OSBPL10: variants seen among roughly 807,000 people sequenced by gnomAD.
The protein encoded by OSBPL10 is oxysterol binding protein like 10, also known as oxysterol-binding protein-related protein 10.
Under a neutral mutation model 81.7 loss-of-function variants are expected in OSBPL10, and 49 were observed. The observed-to-expected ratio is 0.60, with a 90% CI of 0.48 to 0.76. The LOEUF (loss-of-function observed/expected upper bound fraction) is 0.76. OSBPL10 is among the 30% of genes least tolerant of loss of function. The pLI is 0.00. For missense variants in OSBPL10, 923 were observed against 987.8 expected (o/e 0.93, Z 0.88); for synonymous variants, 419 against 383.6 (o/e 1.09, Z -1.08).
intron 1 of OSBPL10, among the ~76,000 whole-genome samples, chr3:31,922,221 G>C (rs183802373): frequency 6.6e-6 from 1 of 152,150 alleles, no homozygotes; most frequent in African/African-American, 2.4e-5. Context: ...GTGTAATATC[G>C]GTTATTAATG....
rs375029649 is a variant in OSBPL10 at position 31,811,000 on chromosome 3, C to T, written c.729+19040G>A. Among the ~76,000 whole-genome samples the T allele has an allele frequency of 5.9e-5, 9 of 152,226 alleles. No homozygotes were observed. The East Asian group carries it at 9.6e-4, about 16-fold the overall frequency. Reference sequence around the variant, plus strand: ...TGTCGAGTGCTAAGTTTCCAGGTGTCGAGGAGGTCAATGAGGACAAAAACC... The same window carrying T: ...TGTCGAGTGCTAAGTTTCCAGGTGTTGAGGAGGTCAATGAGGACAAAAACC... On this transcript the variant is annotated intron_variant, in intron 4 of 11. Transcript: ENST00000396556.
At chr3:31,798,010 T>C (rs936969186) in intron 4 of OSBPL10, among the ~76,000 whole-genome samples, 3 of 152,182 alleles carry the variant, frequency 2.0e-5, no homozygotes, top group African/African-American at 7.2e-5. Flanking sequence ...TAAGGAGCTA[T>C]CTGCAAGGCT....
chr3:31,965,071 T>C (rs1447289722), intron 1 of OSBPL10, among the ~76,000 whole-genome samples: 1 of 152,022 alleles, frequency 6.6e-6, no homozygotes, highest in East Asian at 1.9e-4. Context: ...ATAGAACATA[T>C]TCAATGTCAT....
chr3:31,867,803 A>G (rs972946518), intron 3 of OSBPL10, among the ~76,000 whole-genome samples: 1 of 152,026 alleles, frequency 6.6e-6, no homozygotes, highest in Non-Finnish European at 1.5e-5. Flanking sequence ...GACAGACAGA[A>G]CAAGGGGTCA....
intron 2 of OSBPL10, among the ~76,000 whole-genome samples, chr3:31,877,794 T>C (rs1701517683): frequency 6.6e-6 from 1 of 152,234 alleles, no homozygotes; most frequent in Admixed American, 6.5e-5. Context: ...TACACAAGTC[T>C]GATTTACAGT....
intron 3 of OSBPL10, among the ~76,000 whole-genome samples, chr3:31,832,665 G>T (rs1028476488): frequency 1.3e-5 from 2 of 152,152 alleles, no homozygotes; most frequent in Non-Finnish European, 2.9e-5. Flanking sequence ...TTACAAGATG[G>T]TGCATAACAG....
intron 4 of OSBPL10, among the ~76,000 whole-genome samples, chr3:31,750,035 A>G (rs1697663385): frequency 6.6e-6 from 1 of 151,496 alleles, no homozygotes; most frequent in Non-Finnish European, 1.5e-5. Context: ...CACAAAAATA[A>G]GCCAGGTGTG....
chr3:31,988,801 G>A (rs1338940649), intron 2 of OSBPL10: 2 of 487,534 alleles, frequency 4.1e-6, no homozygotes, highest in Non-Finnish European at 7.3e-6. Context: ...ACAGCCATGT[G>A]AGTGACCTTG....
At chr3:31,723,854 G>A (rs369658789) in intron 6 of OSBPL10, among the ~76,000 whole-genome samples, 1 of 152,104 alleles carries the variant, frequency 6.6e-6, no homozygotes, top group East Asian at 1.9e-4. Flanking sequence ...CATCATCAGG[G>A]CCAGAAAATA....
At chr3:31,858,889 G>A (rs1236032718) in intron 3 of OSBPL10, among the ~76,000 whole-genome samples, 2 of 152,204 alleles carry the variant, frequency 1.3e-5, no homozygotes, top group Non-Finnish European at 2.9e-5. Flanking sequence ...ACTCCTTCAT[G>A]ATCATCTTCA....
At chr3:31,925,246 T>C (rs978334867) in intron 1 of OSBPL10, among the ~76,000 whole-genome samples, 1 of 152,112 alleles carries the variant, frequency 6.6e-6, no homozygotes, top group African/African-American at 2.4e-5. Context: ...GAGGTTTTAG[T>C]TGGCTCCTAG....
chr3:31,871,016 C>T (rs985753452), intron 3 of OSBPL10, among the ~76,000 whole-genome samples: 1 of 152,138 alleles, frequency 6.6e-6, no homozygotes, highest in Non-Finnish European at 1.5e-5. Flanking sequence ...CCAATCAGCG[C>T]CCTGTCAAAA....
chr3:31,800,926 A>G (rs1289808305), intron 4 of OSBPL10, among the ~76,000 whole-genome samples: 1 of 152,158 alleles, frequency 6.6e-6, no homozygotes, highest in Non-Finnish European at 1.5e-5. Context: ...GGTTTTATTA[A>G]TCTTCCTAGA....
At chr3:31,782,168 T>C (rs1015605992) in intron 4 of OSBPL10, among the ~76,000 whole-genome samples, 4 of 152,072 alleles carry the variant, frequency 2.6e-5, no homozygotes, top group Non-Finnish European at 5.9e-5. Flanking sequence ...AACTCATCTT[T>C]GACAAAACAA....
chr3:32,020,401 T>C (rs1699349984), intron 2 of OSBPL10, among the ~76,000 whole-genome samples: 1 of 152,232 alleles, frequency 6.6e-6, no homozygotes, highest in Non-Finnish European at 1.5e-5. Flanking sequence ...TATGTAGTCT[T>C]CTGCACTTAG....
At chr3:31,767,747 T>C (rs1698245379) in intron 4 of OSBPL10, among the ~76,000 whole-genome samples, 1 of 152,202 alleles carries the variant, frequency 6.6e-6, no homozygotes. Context: ...CTTCAGGCTC[T>C]GGGTCTAGCC....
intron 5 of OSBPL10, among the ~76,000 whole-genome samples, chr3:31,736,517 T>C (rs1011133634): frequency 6.6e-6 from 1 of 151,934 alleles, no homozygotes; most frequent in Non-Finnish European, 1.5e-5. Flanking sequence ...ATAAGAGAGG[T>C]GGACAGATAC....
chr3:31,721,413 T>C (rs1469239610), intron 6 of OSBPL10: 2 of 152,236 alleles, frequency 1.3e-5, no homozygotes, highest in Non-Finnish European at 2.9e-5. Flanking sequence ...TGCACAAACC[T>C]GGGATGTGCT....
chr3:31,710,362 G>A (rs1696212025), intron 6 of OSBPL10, among the ~76,000 whole-genome samples: 1 of 152,164 alleles, frequency 6.6e-6, no homozygotes, highest in Non-Finnish European at 1.5e-5. Flanking sequence ...ATGTTGACTT[G>A]AGGTTGCTGC....
Sources: gnomAD v4.1 joint callset for allele counts (sites outside exome capture counted in the v4.1 genomes callset) on GRCh38, gnomAD v4.1.1 for gene constraint, MANE v1.5 for transcripts, NCBI Gene and HGNC (gene_info 2026-07-23, HGNC 2026-07-21) for gene names.